The following ADGRD1 variants were observed in gnomAD, a reference collection of about 807,000 sequenced individuals.
ADGRD1 encodes G-protein coupled receptor 133.
In ADGRD1, 77 loss-of-function variants were observed where a neutral mutation model predicts 113.4. The observed-to-expected ratio is 0.68, with a 90% CI of 0.57 to 0.82. The LOEUF (loss-of-function observed/expected upper bound fraction) is 0.82. Among genes scored for constraint, ADGRD1 ranks in the 40% least tolerant of loss-of-function variants. ADGRD1 has a pLI of 0.00. For missense variants in ADGRD1, 1,036 were observed against 1,139.1 expected (o/e 0.91, Z 1.30); for synonymous variants, 474 against 475.0 (o/e 1.00, Z 0.03).
At chr12:131,130,116 G>A (rs761148338) in intron 20 of ADGRD1, among the ~76,000 whole-genome samples, 3 of 152,228 alleles carry the variant, frequency 2.0e-5, no homozygotes, top group Non-Finnish European at 4.4e-5. Context: ...CTTTCTTCTC[G>A]TCGTTACACA....
chr12:131,042,626 G>T (rs1882252768), intron 13 of ADGRD1, among the ~76,000 whole-genome samples: 1 of 152,156 alleles, frequency 6.6e-6, no homozygotes, highest in South Asian at 2.1e-4. Flanking sequence ...CAGCCTTGCT[G>T]CTGGCTTCTC....
Position 131,051,147 on chromosome 12 carries a change from A to C in ADGRD1, c.1474-25654A>C, listed in dbSNP as rs955844386. Among the ~76,000 whole-genome samples the C allele has an allele frequency of 4.7e-4, 72 of 152,374 alleles. 1 individual carries two copies. The highest frequency in any genetic ancestry group is 1.7e-3 in the African/African-American group (69 of 41,598). The stretch of plus-strand genomic sequence containing the variant: ...ACAGATCTGAACCACGTCCTGCCTC[A>C]GACGGGCACTGTCCTGCCCAGCTGG... On this transcript the variant is annotated intron_variant, in intron 13 of 24. Coordinates refer to ENST00000261654, the MANE Select transcript of ADGRD1 (RefSeq NM_198827.5).
Position 131,116,887 on chromosome 12 carries a change from C to T in ADGRD1, c.2042-1498C>T, listed in dbSNP as rs1297224629. Among the ~76,000 whole-genome samples, 13 of 152,350 alleles carry T rather than the reference C, an allele frequency of 8.5e-5. 1 individual carries two copies. In the Middle Eastern group the frequency reaches 0.02, roughly 239 times the overall value. On this transcript the variant is annotated intron_variant, in intron 18 of 24. Transcript: ENST00000261654. ...GGATGATGCCCCACTTTCTGAATAA[C>T]GAGAAGTGTGTTCTTTTCAGAAACA...
Position 131,131,933 on chromosome 12 carries a change from C to T in ADGRD1, c.2267+117C>T, listed in dbSNP as rs1950940643. ...CTGTGGCCGGCACCAAAGTCCTCCA[C>T]TTGCTCCGTGTCCCTGCCATCTCAG... On this transcript the variant is annotated intron_variant, in intron 21 of 24. Coordinates refer to ENST00000261654, the MANE Select transcript of ADGRD1 (RefSeq NM_198827.5). 7 of 701,438 alleles carry T rather than the reference C, an allele frequency of 1.0e-5. No homozygotes were observed. The Admixed American group carries it at 1.5e-4, about 15-fold the overall frequency. 43.5% of individuals were successfully genotyped at this position (701,438 alleles called of 1,614,324 possible). A position where few individuals can be genotyped will look rare whatever the true frequency, so the allele number is the denominator to read the frequency against.
intron 17 of ADGRD1, among the ~76,000 whole-genome samples, chr12:131,106,907 C>A (rs966293667): frequency 6.6e-6 from 1 of 152,210 alleles, no homozygotes; most frequent in Non-Finnish European, 1.5e-5. Flanking sequence ...GGATTCCTTA[C>A]AGTGCAGATT....
intron 15 of ADGRD1, among the ~76,000 whole-genome samples, chr12:131,086,961 A>C (rs1886506907): frequency 6.6e-6 from 1 of 152,192 alleles, no homozygotes; most frequent in Admixed American, 6.5e-5. Flanking sequence ...GCTGGAGTGC[A>C]GTGGTTTGAT....
chr12:130,961,178 A>G (rs1028412303), intron 2 of ADGRD1, among the ~76,000 whole-genome samples: 4 of 152,244 alleles, frequency 2.6e-5, no homozygotes, highest in African/African-American at 9.6e-5. Context: ...GTAACAGGGA[A>G]GGAAGAAGAA....
chr12:131,065,989 G>A (rs980546933), intron 13 of ADGRD1, among the ~76,000 whole-genome samples: 3 of 152,086 alleles, frequency 2.0e-5, no homozygotes, highest in Non-Finnish European at 4.4e-5. Flanking sequence ...TGGAGTTTCT[G>A]GGGACACCTG....
In ADGRD1 at chr12:131,052,562, G is replaced by A. The variant is rs544433275; in HGVS notation, c.1474-24239G>A. Among the ~76,000 whole-genome samples the A allele has an allele frequency of 3.9e-5, 6 of 152,294 alleles. 1 individual carries two copies. Among genetic ancestry groups the A allele is most frequent in the African/African-American group, 1.2e-4 (5 of 41,568 alleles). On this transcript the variant is annotated intron_variant, in intron 13 of 24. Coordinates refer to ENST00000261654, the MANE Select transcript of ADGRD1 (RefSeq NM_198827.5). ...CATCTGCCTCCGCCAGGGCTGGCAC[G>A]GTCTGCTTTATTCAGGAGCAGTCGG...
chr12:130,990,801 G>A (rs891644840), intron 6 of ADGRD1: 2 of 475,724 alleles, frequency 4.2e-6, no homozygotes, highest in Non-Finnish European at 7.5e-6. Flanking sequence ...GAATACAAAT[G>A]GAAAAGTAAT....
At chr12:130,990,942 C>T (rs924992238) in intron 6 of ADGRD1, 72 bp from the exon 7 acceptor site, 1 of 1,187,838 alleles carries the variant, frequency 8.4e-7, no homozygotes. Context: ...ACATTTTTAA[C>T]AAGGACAGGT....
chr12:131,058,030 G>A (rs1884023629), intron 13 of ADGRD1, among the ~76,000 whole-genome samples: 1 of 152,204 alleles, frequency 6.6e-6, no homozygotes, highest in Admixed American at 6.5e-5. Flanking sequence ...ATTAAGAGAA[G>A]CAGACAGCAA....
Position 131,136,179 on chromosome 12 carries a change from A to G in ADGRD1, c.2394+16A>G. The G allele has an allele frequency of 6.2e-7, 1 of 1,613,332 alleles. No individual in the cohort carries two copies. Among genetic ancestry groups the G allele is most frequent in the Non-Finnish European group, 8.5e-7 (1 of 1,179,744 alleles). On this transcript the variant is annotated intron_variant, in intron 22 of 24. Transcript: ENST00000261654. Reference sequence around the variant, plus strand: ...CTCCCTGCAGGTGAGAGCCGCGGGGACTGGCGGGGAGGCAGGGCCGCCAGC... The same window carrying G: ...CTCCCTGCAGGTGAGAGCCGCGGGGGCTGGCGGGGAGGCAGGGCCGCCAGC...
rs192906355 is a variant in ADGRD1 at position 131,050,592 on chromosome 12, G to T, written c.1474-26209G>T. On this transcript the variant is annotated intron_variant, in intron 13 of 24. Coordinates refer to ENST00000261654, the MANE Select transcript of ADGRD1 (RefSeq NM_198827.5). The surrounding 1 kb of genome is among the most constrained non-coding windows in gnomAD (Gnocchi z 4.8). ...GAACCAGGCACGTCTTACATGGGCA[G>T]ATCAAGAGAGGTGGGGGGTGCCACA... Among the ~76,000 whole-genome samples the T allele has an allele frequency of 1.3e-5, 2 of 152,262 alleles. No homozygotes were observed. The highest frequency in any genetic ancestry group is 3.9e-4 in the East Asian group (2 of 5,164).
chr12:131,098,850 G>T (rs2137292807), intron 15 of ADGRD1, among the ~76,000 whole-genome samples: 1 of 152,370 alleles, frequency 6.6e-6, no homozygotes, highest in East Asian at 1.9e-4. Context: ...CACAGTAGGT[G>T]CTGAATACAT....
Position 131,084,744 on chromosome 12 carries a change from C to CG in ADGRD1, c.1671+82dup. 4.0e-6 allele frequency: 6 copies of CG among 1,490,110 alleles called. No homozygotes were observed. The South Asian group carries it at 5.8e-5, about 15-fold the overall frequency. The allele number at this position is 1,490,110 out of a possible 1,614,324, so 92.3% of individuals were successfully genotyped here. On this transcript the variant is annotated intron_variant, in intron 15 of 24. Transcript: ENST00000261654. The surrounding 1 kb of genome is among the most constrained non-coding windows in gnomAD (Gnocchi z 4.5). ...GGTGGGGGCGGGAGGATGCTTTGCC[C>CG]GCCAGTGCCCACGGGCCCTGGGCAC...
chr12:131,111,509 GTCTT>G (rs1465487916), intron 18 of ADGRD1, among the ~76,000 whole-genome samples: 2 of 152,036 alleles, frequency 1.3e-5, no homozygotes, highest in East Asian at 3.8e-4. Flanking sequence ...TCTATCTCCT[GTCTT>G]TCTAATATTC....
intron 21 of ADGRD1, among the ~76,000 whole-genome samples, chr12:131,133,332 G>A (rs1185839624): frequency 6.6e-6 from 1 of 152,158 alleles, no homozygotes; most frequent in Non-Finnish European, 1.5e-5. Context: ...CCGCACCTGT[G>A]CACCGCCTTC....
intron 5 of ADGRD1, 56 bp downstream of exon 5, chr12:130,982,119 G>A (rs868347302): frequency 1.4e-6 from 2 of 1,426,352 alleles, no homozygotes. Flanking sequence ...AGTCTTCTCT[G>A]AGAATGGACG....
Sources: allele counts gnomAD v4.1 joint callset (sites outside exome capture counted in the v4.1 genomes callset), GRCh38; gene constraint gnomAD v4.1.1; non-coding constraint Gnocchi (gnomAD v3.1); transcripts MANE v1.5; gene names NCBI Gene and HGNC (gene_info 2026-07-23, HGNC 2026-07-21).